The following LRP1B variants were observed in gnomAD, a reference collection of about 807,000 sequenced individuals.
LRP1B encodes the protein low-density lipoprotein receptor-related protein 1B.
In LRP1B, 217 loss-of-function variants were observed where a neutral mutation model predicts 556.6. The ratio of observed to expected loss-of-function variants is 0.39; its 90% CI spans 0.35 to 0.44. The LOEUF (loss-of-function observed/expected upper bound fraction) is 0.44. LRP1B is among the 20% of genes least tolerant of loss of function. The probability of loss-of-function intolerance (pLI) is 1.00; values close to 1 mark genes in which losing one functional copy is unlikely to be tolerated. For missense variants in LRP1B, 5,053 were observed against 5,620.8 expected (o/e 0.90, Z 3.23); for synonymous variants, 2,047 against 1,865.8 (o/e 1.10, Z -2.50).
intron 2 of LRP1B, among the ~76,000 whole-genome samples, chr2:141,639,441 T>A (rs1219050234): frequency 7.1e-6 from 1 of 141,788 alleles, no homozygotes; most frequent in African/African-American, 2.6e-5. Flanking sequence ...TGAGACAGAG[T>A]CTCACTCTGT....
rs946068154 is a variant in LRP1B at position 141,812,774 on chromosome 2, T to C, written c.83-2373A>G. ...CAATTCTCTAGAGAAGATTTCAAGA[T>C]GATTTGACTAAGGTAATGGGGAATT... On this transcript the variant is annotated intron_variant, in intron 1 of 90. Coordinates refer to ENST00000389484, the MANE Select transcript of LRP1B (RefSeq NM_018557.3). Among the ~76,000 whole-genome samples, 15 of 152,228 alleles carry C rather than the reference T, an allele frequency of 9.9e-5. 1 individual carries two copies. The highest frequency in any genetic ancestry group is 6.8e-3 in the Middle Eastern group (2 of 294).
At chr2:141,108,653 A>T (rs578261295) in intron 7 of LRP1B, among the ~76,000 whole-genome samples, 124 of 152,194 alleles carry the variant, frequency 8.1e-4, no homozygotes, top group African/African-American at 3.0e-3. Context: ...CCCGGCCAAA[A>T]ATGTGTTTAT....
chr2:140,337,773 G>T (rs958274279), intron 77 of LRP1B, among the ~76,000 whole-genome samples: 1 of 151,676 alleles, frequency 6.6e-6, no homozygotes, highest in African/African-American at 2.4e-5. Flanking sequence ...AATCCTCATG[G>T]TATCCCTGGT....
intron 2 of LRP1B, among the ~76,000 whole-genome samples, chr2:141,801,845 T>A (rs1216094486): frequency 6.6e-6 from 1 of 152,178 alleles, no homozygotes; most frequent in South Asian, 2.1e-4. Context: ...AAGAAATTTT[T>A]AATTGCTGGA....
At chr2:141,103,676 A>G (rs1431202743) in intron 7 of LRP1B, among the ~76,000 whole-genome samples, 3 of 150,702 alleles carry the variant, frequency 2.0e-5, no homozygotes, top group Middle Eastern at 3.2e-3. Flanking sequence ...TTGCCAATAC[A>G]ACTGTGAAAA....
intron 1 of LRP1B, among the ~76,000 whole-genome samples, chr2:141,833,232 T>A (rs1697167385): frequency 6.6e-6 from 1 of 151,834 alleles, no homozygotes; most frequent in African/African-American, 2.4e-5. Context: ...ATAAAGTATA[T>A]AATTTCTTCC....
At chr2:141,308,169 T>C (rs1558995177) in intron 3 of LRP1B, among the ~76,000 whole-genome samples, 1 of 152,134 alleles carries the variant, frequency 6.6e-6, no homozygotes, top group East Asian at 1.9e-4. Flanking sequence ...GTTAATGAGA[T>C]GCAAATGTAA....
At chr2:141,450,106 T>C (rs1438869575) in intron 3 of LRP1B, among the ~76,000 whole-genome samples, 1 of 151,698 alleles carries the variant, frequency 6.6e-6, no homozygotes, top group Non-Finnish European at 1.5e-5. Context: ...AGAAGGAGGG[T>C]TGGAAGGAAG....
At chr2:140,807,110 C>A (rs929400729) in intron 32 of LRP1B, among the ~76,000 whole-genome samples, 1 of 152,164 alleles carries the variant, frequency 6.6e-6, no homozygotes, top group Non-Finnish European at 1.5e-5. Context: ...AACTTGAGTT[C>A]GCCTCACTGT....
intron 2 of LRP1B, among the ~76,000 whole-genome samples, chr2:141,650,253 G>C (rs746167832): frequency 1.3e-5 from 2 of 152,140 alleles, no homozygotes; most frequent in Non-Finnish European, 2.9e-5. Flanking sequence ...ACTCTAAGTT[G>C]AGGTTCTATA....
intron 1 of LRP1B, among the ~76,000 whole-genome samples, chr2:142,062,118 G>A (rs548087797): frequency 1.3e-4 from 19 of 151,994 alleles, no homozygotes; most frequent in African/African-American, 4.6e-4. Context: ...TTATACACCA[G>A]CTATGACCTT....
chr2:140,429,944 T>C (rs1006805109), intron 66 of LRP1B, among the ~76,000 whole-genome samples: 1 of 152,192 alleles, frequency 6.6e-6, no homozygotes, highest in African/African-American at 2.4e-5. Flanking sequence ...ACTCACTCTT[T>C]GTTGAGTCTC....
At chr2:141,158,808 T>C (rs1342825593) in intron 7 of LRP1B, among the ~76,000 whole-genome samples, 1 of 152,080 alleles carries the variant, frequency 6.6e-6, no homozygotes, top group African/African-American at 2.4e-5. Flanking sequence ...TAATTTTGAG[T>C]GCCAGCTCCT....
intron 35 of LRP1B, 60 bp from the exon 36 acceptor site, chr2:140,716,876 G>C: frequency 9.8e-7 from 1 of 1,020,074 alleles, no homozygotes. Context: ...TATCAATATC[G>C]GTGTTAGGAT....
At chr2:141,236,211 C>A (rs1003089573) in intron 5 of LRP1B, among the ~76,000 whole-genome samples, 3 of 152,028 alleles carry the variant, frequency 2.0e-5, no homozygotes, top group Admixed American at 6.6e-5. Context: ...TAGTGCACAA[C>A]ATGATGTTTT....
In LRP1B at chr2:142,095,320, C is replaced by T. The variant is rs151033589; in HGVS notation, c.82+35328G>A. Reference sequence around the variant, plus strand: ...TTTTAAAAAGTCCCTTAATAAGAACCTGTGATATGCTATTACTGTAAGTAA... The same window carrying T: ...TTTTAAAAAGTCCCTTAATAAGAACTTGTGATATGCTATTACTGTAAGTAA... On this transcript the variant is annotated intron_variant, in intron 1 of 90. Transcript: ENST00000389484. Among the ~76,000 whole-genome samples the T allele has an allele frequency of 7.1e-4, 108 of 151,628 alleles. 1 individual carries two copies. The East Asian group carries it at 0.016, about 23-fold the overall frequency.
chr2:141,026,534 T>C (rs1698222610), intron 11 of LRP1B, among the ~76,000 whole-genome samples: 1 of 152,062 alleles, frequency 6.6e-6, no homozygotes, highest in African/African-American at 2.4e-5. Context: ...AAATGTGTTA[T>C]CTCATGTGAC....
Position 140,456,604 on chromosome 2 carries a change from C to T in LRP1B, c.9815-1G>A. 1.2e-6 allele frequency: 2 copies of T among 1,603,122 alleles called. No individual in the cohort carries two copies. On this transcript the variant is annotated splice_acceptor_variant, in intron 61 of 90. Coordinates refer to ENST00000389484, the MANE Select transcript of LRP1B (RefSeq NM_018557.3). LOFTEE classifies it high-confidence loss of function. ...TTTATCATGCAGAGATGTTTGGAGA[C>T]TAAAGATAAGAAAGAAACAACAACA...
intron 7 of LRP1B, among the ~76,000 whole-genome samples, chr2:141,087,757 G>A (rs972569595): frequency 4.6e-5 from 7 of 152,282 alleles, no homozygotes; most frequent in South Asian, 4.1e-4. Context: ...GGAGTTTGCC[G>A]GATCAATTTA....
Sources: allele counts gnomAD v4.1 joint callset (sites outside exome capture counted in the v4.1 genomes callset), GRCh38; gene constraint gnomAD v4.1.1; transcripts MANE v1.5; gene names NCBI Gene and HGNC (gene_info 2026-07-23, HGNC 2026-07-21).